Variants in FAM171B observed in about 807,000 individuals in gnomAD.
FAM171B encodes family with sequence similarity 171 member B.
FAM171B carries 19 observed loss-of-function variants against 75.6 expected under a neutral mutation model. The observed-to-expected ratio is 0.25, with a 90% CI of 0.18 to 0.37. FAM171B has a LOEUF of 0.37. Among genes scored for constraint, FAM171B ranks in the 10% least tolerant of loss-of-function variants. The pLI is 1.00. For missense variants in FAM171B, 848 were observed against 982.4 expected (o/e 0.86, Z 1.83); for synonymous variants, 367 against 361.7 (o/e 1.01, Z -0.17).
At position 186,761,865 on chromosome 2, in the gene FAM171B, C is replaced by A; in HGVS notation, c.1523C>A (p.Ala508Asp). ...AATCTATCTTCATCTCTAGGTGATG[C>A]TCAAGATGAAAAGAGGTATCTCACA... Reference protein sequence around the residue: ...NNNLSSSLGDAQDEKRYLTGN... With the variant: ...NNNLSSSLGDDQDEKRYLTGN... Residue 508 changes from alanine to aspartate, a missense_variant, in exon 8 of 8, where the codon GCT becomes GAT. Transcript: ENST00000304698. The A allele has an allele frequency of 1.2e-6, 2 of 1,613,180 alleles. No homozygotes were observed. The highest frequency in any genetic ancestry group is 1.7e-4 in the Middle Eastern group (1 of 6,056).
At chr2:186,723,648 A>C (rs2105779725) in intron 1 of FAM171B, among the ~76,000 whole-genome samples, 1 of 152,312 alleles carries the variant, frequency 6.6e-6, no homozygotes, top group Middle Eastern at 3.4e-3. Context: ...TCCTTTTTTA[A>C]CCTCAAAAGA....
At chr2:186,736,435 CT>C (rs1483703431) in intron 1 of FAM171B, among the ~76,000 whole-genome samples, 1 of 151,862 alleles carries the variant, frequency 6.6e-6, no homozygotes, top group Non-Finnish European at 1.5e-5. Flanking sequence ...GAATAACGCA[CT>C]TAAAAACTAA....
intron 1 of FAM171B, among the ~76,000 whole-genome samples, chr2:186,722,121 T>C (rs1052072986): frequency 2.0e-5 from 3 of 152,188 alleles, no homozygotes; most frequent in Non-Finnish European, 4.4e-5. Flanking sequence ...CCCTGGAGTT[T>C]ATGATGTCTA....
intron 6 of FAM171B, among the ~76,000 whole-genome samples, chr2:186,759,315 C>T (rs576173558): frequency 5.9e-5 from 9 of 152,222 alleles, no homozygotes; most frequent in African/African-American, 1.9e-4. Context: ...AGGGTCTTCC[C>T]GACTGAGCTG....
At chr2:186,750,303 C>T (rs541926660) in intron 4 of FAM171B, among the ~76,000 whole-genome samples, 116 of 152,224 alleles carry the variant, frequency 7.6e-4, no homozygotes, top group African/African-American at 2.4e-3. Context: ...TCCCTCTCTC[C>T]GCCCAGAGTA....
chr2:186,740,684 T>G (rs1050915767), intron 2 of FAM171B, among the ~76,000 whole-genome samples: 1 of 152,146 alleles, frequency 6.6e-6, no homozygotes, highest in Non-Finnish European at 1.5e-5. Flanking sequence ...CAAGAGAAAT[T>G]TATTTCTTGC....
rs938078010 is a variant in FAM171B at position 186,765,459 on chromosome 2, G to A, written c.*2636G>A. On this transcript the variant is annotated 3_prime_UTR_variant, in exon 8 of 8. Coordinates refer to ENST00000304698, the MANE Select transcript of FAM171B (RefSeq NM_177454.4). ...TTTATGACTTTATGCAGTTGTATAG[G>A]GATTATGCCCTTTCAGTTCTATAGG... The A allele has an allele frequency of 4.0e-5, 6 of 151,834 alleles. No individual in the cohort carries two copies. The highest frequency in any genetic ancestry group is 8.8e-5 in the Non-Finnish European group (6 of 67,910). 9.4% of individuals were successfully genotyped at this position (151,834 alleles called of 1,614,324 possible).
At chr2:186,714,476 A>C (rs1305073151) in intron 1 of FAM171B, among the ~76,000 whole-genome samples, 3 of 152,232 alleles carry the variant, frequency 2.0e-5, no homozygotes, top group African/African-American at 7.2e-5. Context: ...TACAAGCAGG[A>C]AGCAGAAGAA....
intron 6 of FAM171B, among the ~76,000 whole-genome samples, chr2:186,756,857 A>C (rs1191816724): frequency 6.6e-6 from 1 of 152,122 alleles, no homozygotes; most frequent in Middle Eastern, 3.2e-3. Flanking sequence ...ATTTGCTATG[A>C]TGGCTCACAG....
intron 1 of FAM171B, among the ~76,000 whole-genome samples, chr2:186,698,171 G>A (rs548777969): frequency 5.3e-5 from 8 of 152,128 alleles, no homozygotes; most frequent in Non-Finnish European, 1.2e-4. Flanking sequence ...GCATGCTGGG[G>A]TTGGGGGAGA....
intron 4 of FAM171B, among the ~76,000 whole-genome samples, chr2:186,749,382 AG>A (rs1161480362): frequency 6.6e-6 from 1 of 152,220 alleles, no homozygotes; most frequent in African/African-American, 2.4e-5. Flanking sequence ...AGGTTGAAGC[AG>A]GTACTTCAGA....
At position 186,694,279 on chromosome 2, in the gene FAM171B, C is replaced by T. The variant is rs748308431; in HGVS notation, c.106C>T (p.Arg36Cys). ...VPAAARAELSRSDLSLIQQQQ... is the reference protein window; with the variant it reads ...VPAAARAELSCSDLSLIQQQQ... ...CGCGGCCGCCAGAGCGGAACTCAGC[C>T]GCTCCGACCTCAGCCTCATCCAACA... is the stretch of plus-strand genomic sequence containing the variant. Residue 36 changes from arginine to cysteine, a missense_variant, in exon 1 of 8, where the codon CGC becomes TGC. This residue lies in a region of FAM171B where 665 missense variants were observed against 729.0 expected (regional missense o/e 0.91). Coordinates refer to ENST00000304698, the MANE Select transcript of FAM171B (RefSeq NM_177454.4). 1.9e-6 allele frequency: 3 copies of T among 1,612,094 alleles called. No individual in the cohort carries two copies. The highest frequency in any genetic ancestry group is 2.5e-6 in the Non-Finnish European group (3 of 1,179,612).
Position 186,762,096 on chromosome 2 carries a change from C to T in FAM171B, c.1754C>T (p.Thr585Ile). Residue 585 changes from threonine to isoleucine, a missense_variant, in exon 8 of 8, where the codon ACC becomes ATC. By Grantham distance (89) the Thr-to-Ile change is moderately conservative. This residue lies in a region of FAM171B where 665 missense variants were observed against 729.0 expected (regional missense o/e 0.91). Coordinates refer to ENST00000304698, the MANE Select transcript of FAM171B (RefSeq NM_177454.4). The surrounding 1 kb of genome is among the most constrained non-coding windows in gnomAD (Gnocchi z 4.0). ...GTAAATCGAGAGAACTTTACGCAGA[C>T]CTTGCCCAAAATGCCAATTCATTCT... ...EPVNRENFTQ[T>I]LPKMPIHSHA... 6.2e-7 allele frequency: 1 copy of T among 1,613,704 alleles called. No individual in the cohort carries two copies. Among genetic ancestry groups the T allele is most frequent in the Non-Finnish European group, 8.5e-7 (1 of 1,179,780 alleles).
At chr2:186,730,326 G>C (rs1416284861) in intron 1 of FAM171B, among the ~76,000 whole-genome samples, 1 of 152,208 alleles carries the variant, frequency 6.6e-6, no homozygotes, top group African/African-American at 2.4e-5. Flanking sequence ...TGTGTATTAG[G>C]ATGAAATTGG....
At position 186,740,390 on chromosome 2, in the gene FAM171B, G is replaced by A. The variant is rs746821118; in HGVS notation, c.401G>A (p.Ser134Asn). 54 of 1,613,952 alleles carry A rather than the reference G, an allele frequency of 3.3e-5. No homozygotes were observed. In the East Asian group the frequency reaches 1.1e-3, roughly 33 times the overall value. ...LIKVPYKLGLSLTIIAYKDGY... is the reference protein window; with the variant it reads ...LIKVPYKLGLNLTIIAYKDGY... ...AAAGTACCCTACAAATTAGGACTTAGTTTAACTATTATTGCTTACAAAGAT... is the reference window on the plus strand; with the variant it reads ...AAAGTACCCTACAAATTAGGACTTAATTTAACTATTATTGCTTACAAAGAT... Residue 134 changes from serine to asparagine, a missense_variant, in exon 2 of 8, where the codon AGT (serine) becomes AAT (asparagine). This residue lies in a region of FAM171B where 665 missense variants were observed against 729.0 expected (regional missense o/e 0.91). Coordinates refer to ENST00000304698, the MANE Select transcript of FAM171B (RefSeq NM_177454.4).
intron 3 of FAM171B, among the ~76,000 whole-genome samples, chr2:186,744,042 A>G (rs1030374450): frequency 2.0e-5 from 3 of 152,178 alleles, no homozygotes; most frequent in African/African-American, 7.2e-5. Flanking sequence ...GTGTATCCCA[A>G]GGAGAAGAGT....
chr2:186,704,068 T>A (rs951798727), intron 1 of FAM171B, among the ~76,000 whole-genome samples: 3 of 152,182 alleles, frequency 2.0e-5, no homozygotes, highest in African/African-American at 7.2e-5. Context: ...AACTGGTACT[T>A]TCAAAGTATT....
At chr2:186,723,319 C>T (rs7592601) in intron 1 of FAM171B, among the ~76,000 whole-genome samples, 3,078 of 152,202 alleles carry the variant, frequency 0.02, 105 homozygotes, top group African/African-American at 0.069. Flanking sequence ...GGAGGATGAA[C>T]AATACTGTTA....
rs1259916323 is a variant in FAM171B, at chr2:186,756,754, T to G, written c.1012+2705T>G. On this transcript the variant is annotated intron_variant, in intron 6 of 7. Coordinates refer to ENST00000304698, the MANE Select transcript of FAM171B (RefSeq NM_177454.4). ...CCCATAGGACTGCCCCCATTTCAGGTGCCCATTGCAAGCAGCAGGTTCTCA... is the reference window on the plus strand; with the variant it reads ...CCCATAGGACTGCCCCCATTTCAGGGGCCCATTGCAAGCAGCAGGTTCTCA... 2.0e-5 allele frequency among the ~76,000 whole-genome samples: 3 copies of G among 152,142 alleles called. No individual in the cohort carries two copies. The East Asian group carries it at 5.8e-4, about 29-fold the overall frequency.
Sources: gnomAD v4.1 joint callset for allele counts (sites outside exome capture counted in the v4.1 genomes callset) on GRCh38, gnomAD v4.1.1 for gene constraint, gnomAD v4.1.1 regional missense constraint, Gnocchi (gnomAD v3.1) non-coding constraint, MANE v1.5 for transcripts, NCBI Gene and HGNC (gene_info 2026-07-23, HGNC 2026-07-21) for gene names.